The following EPN2 variants were observed in gnomAD, a reference collection of about 807,000 sequenced individuals.
The protein encoded by EPN2 is epsin-2.
Under a neutral mutation model 61.7 loss-of-function variants are expected in EPN2, and 34 were observed. That is an observed-to-expected ratio of 0.55 (90% CI 0.42 to 0.73). The LOEUF (loss-of-function observed/expected upper bound fraction) is 0.73, where lower values mean the gene tolerates loss of function less well. Among genes scored for constraint, EPN2 ranks in the 30% least tolerant of loss-of-function variants. EPN2 has a pLI of 0.00. For synonymous variants in EPN2, 349 were observed against 353.6 expected (o/e 0.99, Z 0.15); for missense variants, 714 against 839.2 (o/e 0.85, Z 1.84).
chr17:19,239,995 T>A, intron 1 of EPN2, among the ~76,000 whole-genome samples: 1 of 151,664 alleles, frequency 6.6e-6, no homozygotes, highest in East Asian at 1.9e-4. Context: ...TTTTTTTTTT[T>A]AACTTTAATT....
chr17:19,238,055 C>T (rs1046932287), intron 1 of EPN2, among the ~76,000 whole-genome samples: 22 of 152,180 alleles, frequency 1.4e-4, no homozygotes, highest in Non-Finnish European at 7.3e-5. Context: ...TCCCGCCCGT[C>T]TCACCTTTCC....
At position 19,283,473 on chromosome 17, in the gene EPN2, C is replaced by G. The variant is rs747758321; in HGVS notation, c.354C>G (p.Asp118Glu). Residue 118 changes from aspartate to glutamate, a missense_variant, in exon 3 of 11, where the codon GAC (aspartate) becomes GAG (glutamate). By Grantham distance (45) the Asp-to-Glu change is conservative. Coordinates refer to ENST00000314728, the MANE Select transcript of EPN2 (RefSeq NM_014964.5). The surrounding 1 kb of genome is among the most constrained non-coding windows in gnomAD (Gnocchi z 7.0). ...AGTACATTGACCGAGATGGCAAGGA[C>G]CAGGGCATCAATGTGCGTGAGAAGT... ...DFQYIDRDGK[D>E]QGINVREKSK... 116 of 1,614,072 alleles carry G rather than the reference C, an allele frequency of 7.2e-5. No individual in the cohort carries two copies. The highest frequency in any genetic ancestry group is 9.4e-5 in the Non-Finnish European group (111 of 1,180,036).
chr17:19,304,684 C>T (rs1905736221), intron 4 of EPN2, among the ~76,000 whole-genome samples: 1 of 152,228 alleles, frequency 6.6e-6, no homozygotes, highest in Non-Finnish European at 1.5e-5. Flanking sequence ...TTACCTCCTC[C>T]CACAGGCCCC....
At chr17:19,286,982 C>T (rs1215147151) in intron 4 of EPN2, among the ~76,000 whole-genome samples, 3 of 152,118 alleles carry the variant, frequency 2.0e-5, no homozygotes, top group African/African-American at 7.2e-5. Flanking sequence ...CATGGAGTTC[C>T]CTTTTTGTTT....
chr17:19,249,718 C>G (rs748160332), intron 1 of EPN2, among the ~76,000 whole-genome samples: 2 of 152,362 alleles, frequency 1.3e-5, no homozygotes, highest in Middle Eastern at 3.4e-3. Context: ...ATTGGTTGCT[C>G]TGTCAGTTTC....
chr17:19,277,625 G>A (rs2045320393), intron 1 of EPN2, among the ~76,000 whole-genome samples: 4 of 152,260 alleles, frequency 2.6e-5, no homozygotes, highest in African/African-American at 7.2e-5. Context: ...AAGTCCAGGT[G>A]TTCAGCTGGA....
At chr17:19,311,182 G>C (rs1906118802) in intron 5 of EPN2, among the ~76,000 whole-genome samples, 1 of 152,188 alleles carries the variant, frequency 6.6e-6, no homozygotes, top group South Asian at 2.1e-4. Flanking sequence ...GGCAATCTCA[G>C]TTGTGGCCTC....
chr17:19,252,270 G>T (rs896372688), intron 1 of EPN2, among the ~76,000 whole-genome samples: 3 of 152,160 alleles, frequency 2.0e-5, no homozygotes, highest in Admixed American at 2.0e-4. Context: ...AGTCTACACT[G>T]TTGGGCTCAG....
intron 1 of EPN2, among the ~76,000 whole-genome samples, chr17:19,238,004 C>T (rs992250153): frequency 1.3e-5 from 2 of 152,206 alleles, no homozygotes; most frequent in African/African-American, 4.8e-5. Context: ...GTCCGGGCGC[C>T]CTCCGGGAAT....
At chr17:19,327,667 A>G (rs540845252) in intron 7 of EPN2, among the ~76,000 whole-genome samples, 9 of 152,258 alleles carry the variant, frequency 5.9e-5, no homozygotes, top group Admixed American at 5.9e-4. Context: ...GTGAGACCCT[A>G]TCTGATAAAT....
chr17:19,259,228 A>C (rs2045113509), intron 1 of EPN2, among the ~76,000 whole-genome samples: 1 of 151,158 alleles, frequency 6.6e-6, no homozygotes, highest in Admixed American at 6.6e-5. Flanking sequence ...TTTTGGTGAT[A>C]GGGAAACATG....
intron 9 of EPN2, among the ~76,000 whole-genome samples, chr17:19,329,871 G>T (rs1331729888): frequency 6.6e-6 from 1 of 152,190 alleles, no homozygotes; most frequent in Non-Finnish European, 1.5e-5. Flanking sequence ...GATCCCCAAA[G>T]CTTCCTGCAG....
intron 1 of EPN2, among the ~76,000 whole-genome samples, chr17:19,246,735 T>C (rs2044955064): frequency 6.7e-6 from 1 of 149,218 alleles, no homozygotes; most frequent in African/African-American, 2.4e-5. Flanking sequence ...TGTTTTTTTT[T>C]TCCCCCCTGA....
At chr17:19,237,928 C>G (rs577269754) in intron 1 of EPN2, among the ~76,000 whole-genome samples, 1 of 152,234 alleles carries the variant, frequency 6.6e-6, no homozygotes, top group Non-Finnish European at 1.5e-5. Flanking sequence ...TCCTCCTCTC[C>G]CCGAGCCCGG....
chr17:19,278,457 A>G (rs1225394974), intron 1 of EPN2, among the ~76,000 whole-genome samples: 1 of 152,180 alleles, frequency 6.6e-6, no homozygotes, highest in Non-Finnish European at 1.5e-5. Context: ...AGAAGCAAAA[A>G]TGCAAACCCC....
chr17:19,327,242 T>C (rs1401600353), intron 7 of EPN2, among the ~76,000 whole-genome samples: 1 of 152,216 alleles, frequency 6.6e-6, no homozygotes, highest in East Asian at 1.9e-4. Flanking sequence ...AGAGGAATCA[T>C]GACTTTTTTT....
chr17:19,258,314 C>G (rs1227698813), intron 1 of EPN2, among the ~76,000 whole-genome samples: 1 of 152,186 alleles, frequency 6.6e-6, no homozygotes, highest in Non-Finnish European at 1.5e-5. Context: ...GGGCTTCAGT[C>G]TCCCCATCTA....
chr17:19,329,956 C>T (rs1345713802), intron 9 of EPN2, among the ~76,000 whole-genome samples: 1 of 152,208 alleles, frequency 6.6e-6, no homozygotes, highest in East Asian at 1.9e-4. Context: ...ATTCACCCTC[C>T]TCCTGCCAAT....
rs1191326442 is a variant in EPN2 at position 19,283,985 on chromosome 17, G to A, written c.595+271G>A. Among the ~76,000 whole-genome samples the A allele has an allele frequency of 2.6e-5, 4 of 152,162 alleles. No homozygotes were observed. The highest frequency in any genetic ancestry group is 5.9e-5 in the Non-Finnish European group (4 of 68,026). On this transcript the variant is annotated intron_variant, in intron 3 of 10. Transcript: ENST00000314728. The surrounding 1 kb of genome is among the most constrained non-coding windows in gnomAD (Gnocchi z 7.0). ...ATTCTGTACATCTGGGCAGACGGTG[G>A]GCAGAGGCAGGTCTTTTCTGCTTCC...
Sources: allele counts gnomAD v4.1 joint callset (sites outside exome capture counted in the v4.1 genomes callset), GRCh38; gene constraint gnomAD v4.1.1; non-coding constraint Gnocchi (gnomAD v3.1); transcripts MANE v1.5; gene names NCBI Gene and HGNC (gene_info 2026-07-23, HGNC 2026-07-21).